SPTBN5: variants seen among roughly 807,000 people sequenced by gnomAD.
SPTBN5 encodes the protein spectrin beta chain, non-erythrocytic 5.
SPTBN5 carries 513 observed loss-of-function variants against 477.6 expected under a neutral mutation model. That is an observed-to-expected ratio of 1.07 (90% CI 1.00 to 1.16). The LOEUF (loss-of-function observed/expected upper bound fraction) is 1.16. Ranked by LOEUF, SPTBN5 falls within the 50% of genes most tolerant of loss-of-function variation. The probability of loss-of-function intolerance (pLI) is 0.00; values close to 1 mark genes in which losing one functional copy is unlikely to be tolerated. For synonymous variants in SPTBN5, 2,169 were observed against 2,011.7 expected (o/e 1.08, Z -2.09); for missense variants, 5,062 against 4,731.8 (o/e 1.07, Z -2.05).
intron 26 of SPTBN5, among the ~76,000 whole-genome samples, chr15:41,873,209 T>G (rs2066603758): frequency 1.3e-5 from 2 of 151,250 alleles, no homozygotes; most frequent in African/African-American, 4.9e-5. Context: ...GTGCCAGGGG[T>G]GGGGTAGAGA....
Position 41,875,538 on chromosome 15 carries a change from C to T in SPTBN5, c.4207G>A (p.Ala1403Thr). 1 of 1,611,808 alleles carries T rather than the reference C, an allele frequency of 6.2e-7. No homozygotes were observed. The highest frequency in any genetic ancestry group is 1.1e-5 in the South Asian group (1 of 90,320). Residue 1403 changes from alanine to threonine, a missense_variant, in exon 22 of 68, where the codon GCT becomes ACT. Coordinates refer to ENST00000320955, the MANE Select transcript of SPTBN5 (RefSeq NM_016642.4). ...CGCTCAGTCATCTTGCGGTTCAAAG[C>T]TTCCCACTTGCTTCTCAGGCCTTGA... is the stretch of plus-strand genomic sequence containing the variant. ...RLQGLRSKWE[A>T]LNRKMTERGD...
At chr15:41,882,778 G>C (rs1009321768) in intron 9 of SPTBN5, 40 bp from the exon 10 acceptor site, 8 of 1,590,610 alleles carry the variant, frequency 5.0e-6, no homozygotes, top group Middle Eastern at 1.7e-4. Context: ...ATGGGGAGTC[G>C]TGAGGCATGG....
At chr15:41,853,949 G>C (rs890821282) in intron 57 of SPTBN5, 101 bp downstream of exon 57, 1 of 1,457,726 alleles carries the variant, frequency 6.9e-7, no homozygotes, top group Non-Finnish European at 9.1e-7. Context: ...TTCTGGAGAA[G>C]AGGCTGAAGC....
intron 47 of SPTBN5, among the ~76,000 whole-genome samples, chr15:41,860,158 G>A (rs893685190): frequency 6.6e-6 from 1 of 152,218 alleles, no homozygotes; most frequent in South Asian, 2.1e-4. Context: ...CATCACAGCC[G>A]TTAAAGCCCA....
At position 41,858,590 on chromosome 15, in the gene SPTBN5, G is replaced by T; in HGVS notation, c.8226+12C>A. 1 of 1,607,540 alleles carries T rather than the reference G, an allele frequency of 6.2e-7. No individual in the cohort carries two copies. On this transcript the variant is annotated intron_variant, in intron 49 of 67. Coordinates refer to ENST00000320955, the MANE Select transcript of SPTBN5 (RefSeq NM_016642.4). ...GAGCTGTCCCACCACCCTCCTGCCT[G>T]CAGGGCCTCACCCGCTGCAGCTCCT... is the stretch of plus-strand genomic sequence containing the variant.
chr15:41,862,062 A>T, intron 44 of SPTBN5, 68 bp downstream of exon 44: 1 of 1,511,360 alleles, frequency 6.6e-7, no homozygotes. Context: ...GAGCAAGGAG[A>T]TGAGAGGAAG....
chr15:41,893,050 C>G lies in SPTBN5; in HGVS notation c.228G>C (p.Lys76Asn). The change falls in exon 3 of 68, where the codon AAG becomes AAC. Residue 76 changes from lysine to asparagine, a missense_variant. Coordinates refer to ENST00000320955, the MANE Select transcript of SPTBN5 (RefSeq NM_016642.4). The part of the protein sequence containing the change: ...NVFQCGQAGI[K>N]IRNLYTELAD... ...CCAGCTCTGTGTACAGGTTCCGGAT[C>G]TTGATGCCCGCCTGGGGAGGGGACA... 1 of 1,611,274 alleles carries G rather than the reference C, an allele frequency of 6.2e-7. No individual in the cohort carries two copies.
chr15:41,882,161 G>T lies in SPTBN5; in HGVS notation c.2248-16C>A. The T allele has an allele frequency of 6.4e-7, 1 of 1,556,606 alleles. No individual in the cohort carries two copies. Among genetic ancestry groups the T allele is most frequent in the East Asian group, 2.4e-5 (1 of 42,106 alleles). ...CCGCGAAGTACTGTGGGAGGGGGTCGGGGGTGGTGTGGGTGAAGGGGCGCG... is the reference window on the plus strand; with the variant it reads ...CCGCGAAGTACTGTGGGAGGGGGTCTGGGGTGGTGTGGGTGAAGGGGCGCG... On this transcript the variant is annotated splice_polypyrimidine_tract_variant and intron_variant, in intron 11 of 67. Coordinates refer to ENST00000320955, the MANE Select transcript of SPTBN5 (RefSeq NM_016642.4).
rs188523186 is a variant in SPTBN5 at position 41,893,462 on chromosome 15, G to A, written c.36C>T (p.Leu12=). Residue 12 remains leucine (L), a synonymous_variant, in exon 2 of 68, where the codon CTC becomes CTT. Coordinates refer to ENST00000320955, the MANE Select transcript of SPTBN5 (RefSeq NM_016642.4). ...TCCTGCTGCGGTGCCCTGCAGCCCC[G>A]AGGAGCTCCCGGGGACTGTGGGGCT... ...AGQPHSPREL[L]GAAGHRSRRP... 1.1e-3 allele frequency: 1,836 copies of A among 1,605,062 alleles called. 1 individual carries two copies. Among genetic ancestry groups the A allele is most frequent in the Non-Finnish European group, 1.4e-3 (1,675 of 1,177,542 alleles).
At position 41,877,340 on chromosome 15, in the gene SPTBN5, C is replaced by A. The variant is rs780844153; in HGVS notation, c.3487G>T (p.Ala1163Ser). Residue 1163 changes from alanine (A) to serine (S), a missense_variant, in exon 18 of 68, where the codon GCT (alanine) becomes TCT (serine). Physicochemically the swap from Ala to Ser is moderately conservative, Grantham distance 99. Transcript: ENST00000320955. ...AAGGCTGCCATGGGCTGGCTCTGAG[C>A]GTCCAGCTGCTGCAGCCTGACCAGG... ...LWQERLQQLDAQSQPMAALDC... is the reference protein window; with the variant it reads ...LWQERLQQLDSQSQPMAALDC... The A allele has an allele frequency of 1.2e-6, 2 of 1,608,010 alleles. No homozygotes were observed. Among genetic ancestry groups the A allele is most frequent in the South Asian group, 1.1e-5 (1 of 90,086 alleles).
chr15:41,882,007 C>T lies in SPTBN5; in HGVS notation c.2386G>A (p.Ala796Thr). 1 of 1,536,436 alleles carries T rather than the reference C, an allele frequency of 6.5e-7. No individual in the cohort carries two copies. Among genetic ancestry groups the T allele is most frequent in the Non-Finnish European group, 8.7e-7 (1 of 1,150,932 alleles). ...RHVRLERVLR[A>T]FAAELRRLEE... ...AGCCGCCGCAGCTCGGCCGCGAAGG[C>T]GCGCAGGACGCGCTCCAGCCGCACG... The change falls in exon 12 of 68, where the codon GCC (alanine) becomes ACC (threonine). Residue 796 changes from alanine (A) to threonine (T), a missense_variant. Transcript: ENST00000320955.
intron 13 of SPTBN5, among the ~76,000 whole-genome samples, 195 bp from the exon 14 acceptor site, chr15:41,880,507 G>T (rs1371714832): frequency 1.3e-5 from 2 of 152,208 alleles, no homozygotes; most frequent in African/African-American, 4.8e-5. Context: ...GAGGGAGATG[G>T]CAAGGGCTTA....
At chr15:41,878,225 T>C (rs527245369) in intron 17 of SPTBN5, 117 bp downstream of exon 17, 18 of 1,278,640 alleles carry the variant, frequency 1.4e-5, no homozygotes, top group Non-Finnish European at 1.8e-5. Flanking sequence ...CCAACCAGTC[T>C]GGGCCCCTCC....
intron 33 of SPTBN5, 89 bp from the exon 34 acceptor site, chr15:41,868,307 G>A: frequency 6.4e-7 from 1 of 1,561,910 alleles, no homozygotes; most frequent in Non-Finnish European, 8.7e-7. Flanking sequence ...CTGAGGAGAG[G>A]CCAGCATGGC....
At chr15:41,849,820 A>G (rs754632312) in intron 67 of SPTBN5, 49 bp downstream of exon 67, 32 of 1,430,392 alleles carry the variant, frequency 2.2e-5, no homozygotes, top group Non-Finnish European at 3.0e-5. Context: ...CCTGCCAGCC[A>G]CTGAAGCCCA....
chr15:41,871,510 G>C lies in SPTBN5; in HGVS notation c.5312C>G (p.Thr1771Ser). The C allele has an allele frequency of 6.7e-7, 1 of 1,496,066 alleles. No individual in the cohort carries two copies. The highest frequency in any genetic ancestry group is 1.3e-5 in the South Asian group (1 of 74,686). The allele number at this position is 1,496,066 out of a possible 1,614,324, so 92.7% of individuals were successfully genotyped here. The change falls in exon 29 of 68, where the codon ACC becomes AGC. Residue 1771 changes from threonine (T) to serine (S), a missense_variant. Transcript: ENST00000320955. ...TTGGTGCTGAAACTTTGCAAACTTGGTGCAGAGGTGCTGAGAAGAGGGGAG... is the reference window on the plus strand; with the variant it reads ...TTGGTGCTGAAACTTTGCAAACTTGCTGCAGAGGTGCTGAGAAGAGGGGAG... Reference protein sequence around the residue: ...EDPEHALHLCTKFAKFQHQVE... With the variant: ...EDPEHALHLCSKFAKFQHQVE...
At chr15:41,878,195 C>T in intron 17 of SPTBN5, 147 bp downstream of exon 17, 1 of 963,000 alleles carries the variant, frequency 1.0e-6, no homozygotes, top group Non-Finnish European at 1.5e-6. Context: ...GTAAACTTGC[C>T]TCAAGCAGCA....
intron 53 of SPTBN5, among the ~76,000 whole-genome samples, chr15:41,856,173 G>A (rs1157985209): frequency 6.6e-6 from 1 of 152,236 alleles, no homozygotes; most frequent in Non-Finnish European, 1.5e-5. Context: ...AGCCCTGGTT[G>A]AGACCCACTG....
chr15:41,874,238 C>T, intron 24 of SPTBN5, 54 bp downstream of exon 24: 1 of 1,566,694 alleles, frequency 6.4e-7, no homozygotes, highest in South Asian at 1.2e-5. Context: ...CAGAGGGTTT[C>T]TAAGGTCTGG....
Sources: allele counts gnomAD v4.1 joint callset (sites outside exome capture counted in the v4.1 genomes callset), GRCh38; gene constraint gnomAD v4.1.1; transcripts MANE v1.5; gene names NCBI Gene and HGNC (gene_info 2026-07-23, HGNC 2026-07-21).